Variants in LEO1 observed in about 807,000 individuals in gnomAD.
LEO1 encodes the protein RNA polymerase-associated protein LEO1.
LEO1 carries 34 observed loss-of-function variants against 80.4 expected under a neutral mutation model. The ratio of observed to expected loss-of-function variants is 0.42; its 90% CI spans 0.32 to 0.56. The LOEUF (loss-of-function observed/expected upper bound fraction) is 0.56, where lower values mean the gene tolerates loss of function less well. Ranked by LOEUF, LEO1 falls within the 20% of genes least tolerant of loss-of-function variation. The pLI is 0.10. For synonymous variants in LEO1, 262 were observed against 274.9 expected (o/e 0.95, Z 0.46); for missense variants, 631 against 814.2 (o/e 0.77, Z 2.74).
chr15:51,969,671 A>G (rs1305921704), intron 1 of LEO1, among the ~76,000 whole-genome samples: 1 of 151,880 alleles, frequency 6.6e-6, no homozygotes, highest in Non-Finnish European at 1.5e-5. Context: ...ACAAAACCTC[A>G]TCTCTACTTA....
At chr15:51,954,795 C>T in intron 6 of LEO1, 1 of 515,480 alleles carries the variant, frequency 1.9e-6, no homozygotes, top group Non-Finnish European at 3.5e-6. Flanking sequence ...TTCTGAGCTC[C>T]TAGAATCATA....
chr15:51,952,227 T>G (rs2056955245), intron 8 of LEO1: 1 of 348,684 alleles, frequency 2.9e-6, no homozygotes, highest in South Asian at 7.1e-5. Context: ...TATGGCATGA[T>G]CACCTTCTAG....
chr15:51,968,276 C>A (rs1036024011), intron 1 of LEO1, among the ~76,000 whole-genome samples: 2 of 152,126 alleles, frequency 1.3e-5, no homozygotes, highest in Non-Finnish European at 2.9e-5. Context: ...GGTGCGGTGG[C>A]TCATGCCTGT....
intron 2 of LEO1, among the ~76,000 whole-genome samples, chr15:51,963,484 G>C (rs2057048310): frequency 6.6e-6 from 1 of 152,198 alleles, no homozygotes; most frequent in Non-Finnish European, 1.5e-5. Flanking sequence ...TGTTGAACTA[G>C]TAAGAGATAA....
intron 10 of LEO1, among the ~76,000 whole-genome samples, chr15:51,948,269 T>C (rs2056919046): frequency 6.6e-6 from 1 of 152,242 alleles, no homozygotes; most frequent in Non-Finnish European, 1.5e-5. Context: ...TGTATGGAAC[T>C]GAGCACTACT....
chr15:51,945,268 A>AAAAAAAAAAAAAAAAAAG (rs2056890188), intron 11 of LEO1, among the ~76,000 whole-genome samples: 1 of 149,880 alleles, frequency 6.7e-6, no homozygotes, highest in South Asian at 2.1e-4. Context: ...AATACAAAAA[A>AAAAAAAAAAAAAAAAAAG]AAAAAAAAAA....
chr15:51,966,396 G>A lies in LEO1; in HGVS notation c.167C>T (p.Pro56Leu). The A allele has an allele frequency of 6.2e-7, 1 of 1,613,992 alleles. No homozygotes were observed. Among genetic ancestry groups the A allele is most frequent in the Non-Finnish European group, 8.5e-7 (1 of 1,179,918 alleles). The part of the protein sequence containing the change: ...DQDERGDSGQ[P>L]SNKELFGDDS... Reference sequence around the variant, plus strand: ...ATCTCCAAACAGTTCCTTATTACTTGGTTGTCCTGAATCACCTCTTTCATC... The same window carrying A: ...ATCTCCAAACAGTTCCTTATTACTTAGTTGTCCTGAATCACCTCTTTCATC... The change falls in exon 2 of 12, where the codon CCA (proline) becomes CTA (leucine). Residue 56 changes from proline (P) to leucine (L), a missense_variant. Pro to Leu is a moderately conservative substitution (Grantham distance 98). This residue lies in a region of LEO1 where 394 missense variants were observed against 395.6 expected (regional missense o/e 1.00). Transcript: ENST00000299601.
chr15:51,947,142 C>T (rs2056908285), intron 11 of LEO1, 150 bp downstream of exon 11: 4 of 683,054 alleles, frequency 5.9e-6, no homozygotes, highest in South Asian at 4.7e-5. Flanking sequence ...CTCTGGATCA[C>T]TCTGTCTTGT....
intron 11 of LEO1, among the ~76,000 whole-genome samples, chr15:51,946,833 C>A (rs2141750360): frequency 6.6e-6 from 1 of 152,194 alleles, no homozygotes; most frequent in Admixed American, 6.5e-5. Context: ...TGAGCCACTG[C>A]ATCCAACCAA....
chr15:51,958,856 A>G, intron 5 of LEO1, 30 bp from the exon 6 acceptor site: 2 of 1,190,992 alleles, frequency 1.7e-6, no homozygotes, highest in Non-Finnish European at 2.4e-6. Flanking sequence ...TAAACTATTA[A>G]TCATATTTTA....
chr15:51,971,610 C>G (rs1640989703), intron 1 of LEO1, 78 bp downstream of exon 1: 1 of 1,467,384 alleles, frequency 6.8e-7, no homozygotes, highest in Admixed American at 1.7e-5. Context: ...GCCCGCGGCG[C>G]TGGAGCCTCC....
intron 11 of LEO1, 83 bp downstream of exon 11, chr15:51,947,209 G>C: frequency 1.1e-6 from 1 of 874,216 alleles, no homozygotes. Context: ...ATTTGTGCCT[G>C]CCTGATCTGT....
chr15:51,965,870 A>G lies in LEO1; in HGVS notation c.693T>C (p.Asp231=). The change falls in exon 2 of 12, where the codon GAT becomes GAC. Residue 231 remains aspartate (D), a synonymous_variant. Coordinates refer to ENST00000299601, the MANE Select transcript of LEO1 (RefSeq NM_138792.4). ...CATCAGACAGCTGTGGTTGTTCTTCATCATCAGAATTCTGTTTCTCATCAT... is the reference window on the plus strand; with the variant it reads ...CATCAGACAGCTGTGGTTGTTCTTCGTCATCAGAATTCTGTTTCTCATCAT... ...DNDDEKQNSD[D]EEQPQLSDEE... 1.9e-6 allele frequency: 3 copies of G among 1,614,066 alleles called. No individual in the cohort carries two copies. Among genetic ancestry groups the G allele is most frequent in the Middle Eastern group, 1.6e-4 (1 of 6,062 alleles).
At chr15:51,945,991 G>A (rs749915088) in intron 11 of LEO1, among the ~76,000 whole-genome samples, 1 of 151,444 alleles carries the variant, frequency 6.6e-6, no homozygotes, top group African/African-American at 2.4e-5. Context: ...CCGAGATCAC[G>A]CCACTGCACT....
At chr15:51,947,086 C>T (rs2056907745) in intron 11 of LEO1, 4 of 547,372 alleles carry the variant, frequency 7.3e-6, no homozygotes, top group Non-Finnish European at 1.3e-5. Context: ...GTCTTATCCT[C>T]CATGCAGCCT....
At chr15:51,958,226 C>T (rs556461829) in intron 6 of LEO1, among the ~76,000 whole-genome samples, 2 of 150,494 alleles carry the variant, frequency 1.3e-5, no homozygotes, top group East Asian at 2.0e-4. Context: ...GAGGTCAAGG[C>T]GGGAGGATCA....
intron 5 of LEO1, among the ~76,000 whole-genome samples, chr15:51,959,553 G>C (rs191912201): frequency 1.3e-5 from 2 of 152,112 alleles, no homozygotes; most frequent in Non-Finnish European, 2.9e-5. Context: ...ACCTTTTCTA[G>C]ACCAACAATA....
At chr15:51,955,348 C>T (rs148392370) in intron 6 of LEO1, among the ~76,000 whole-genome samples, 2 of 152,308 alleles carry the variant, frequency 1.3e-5, no homozygotes, top group East Asian at 3.9e-4. Context: ...GAGAGATAAA[C>T]TTCCCATATA....
rs2057079082 is a variant in LEO1, at chr15:51,966,489, G to C, written c.74C>G (p.Ser25Cys). 1 of 1,598,172 alleles carries C rather than the reference G, an allele frequency of 6.3e-7. No individual in the cohort carries two copies. Among genetic ancestry groups the C allele is most frequent in the Non-Finnish European group, 8.6e-7 (1 of 1,168,042 alleles). Residue 25 changes from serine (S) to cysteine (C), a missense_variant, in exon 2 of 12, where the codon TCT (serine) becomes TGT (cysteine). This residue lies in a region of LEO1 where 394 missense variants were observed against 395.6 expected (regional missense o/e 1.00). Coordinates refer to ENST00000299601, the MANE Select transcript of LEO1 (RefSeq NM_138792.4). Reference protein sequence around the residue: ...EAERKDSDSGSDSDSDQENAA... With the variant: ...EAERKDSDSGCDSDSDQENAA... Reference sequence around the variant, plus strand: ...ATTCTCTTGATCAGAATCTGAGTCAGATCCAGAATCAGAATCTATGGGGTC... The same window carrying C: ...ATTCTCTTGATCAGAATCTGAGTCACATCCAGAATCAGAATCTATGGGGTC...
Sources: gnomAD v4.1 joint callset for allele counts (sites outside exome capture counted in the v4.1 genomes callset) on GRCh38, gnomAD v4.1.1 for gene constraint, gnomAD v4.1.1 regional missense constraint, MANE v1.5 for transcripts, NCBI Gene and HGNC (gene_info 2026-07-23, HGNC 2026-07-21) for gene names.